The following WWOX variants were observed in gnomAD, a reference collection of about 807,000 sequenced individuals.
WWOX encodes the protein WW domain containing oxidoreductase, also known as WW domain-containing oxidoreductase.
WWOX carries 69 observed loss-of-function variants against 46.2 expected under a neutral mutation model. The observed-to-expected ratio is 1.49, with a 90% CI of 1.23 to 1.82. WWOX has a LOEUF of 1.82. WWOX is among the 40% of genes most tolerant of loss of function. The pLI, the probability that WWOX is intolerant of heterozygous loss-of-function variation, is 0.00. For missense variants in WWOX, 919 were observed against 542.6 expected, an observed-to-expected ratio of 1.69 and a Z score of -6.89; for synonymous variants, 359 against 202.6, an observed-to-expected ratio of 1.77 and a Z score of -6.56.
chr16:78,324,160 A>T (rs1305537205), intron 5 of WWOX, among the ~76,000 whole-genome samples: 1 of 152,068 alleles, frequency 6.6e-6, no homozygotes. Context: ...TTTGTCATTC[A>T]GGTCATGCTG....
At chr16:78,355,378 G>A (rs1382088515) in intron 5 of WWOX, among the ~76,000 whole-genome samples, 2 of 152,162 alleles carry the variant, frequency 1.3e-5, no homozygotes, top group African/African-American at 2.4e-5. Flanking sequence ...TGAGGCGGGC[G>A]AATCACGAGG....
chr16:78,184,172 T>C (rs2035621930), intron 5 of WWOX, among the ~76,000 whole-genome samples: 1 of 152,046 alleles, frequency 6.6e-6, no homozygotes, highest in African/African-American at 2.4e-5. Context: ...TGCTTCTCTG[T>C]AGGAGGATTT....
At chr16:78,248,395 G>C (rs28625979) in intron 5 of WWOX, among the ~76,000 whole-genome samples, 2 of 152,144 alleles carry the variant, frequency 1.3e-5, no homozygotes, top group African/African-American at 4.8e-5. Flanking sequence ...CTGTCCGCAT[G>C]ATCTAATCAC....
chr16:79,081,980 G>A (rs2048768667), intron 8 of WWOX, among the ~76,000 whole-genome samples: 1 of 152,142 alleles, frequency 6.6e-6, no homozygotes, highest in African/African-American at 2.4e-5. Flanking sequence ...AGATTCATAC[G>A]CCAGAACCAG....
At chr16:78,822,930 A>AG (rs2051543782) in intron 8 of WWOX, among the ~76,000 whole-genome samples, 1 of 152,084 alleles carries the variant, frequency 6.6e-6, no homozygotes, top group Admixed American at 6.5e-5. Context: ...AAAAACTAAA[A>AG]GAAAAAAAAA....
intron 5 of WWOX, among the ~76,000 whole-genome samples, chr16:78,269,914 G>GTTTTTTTTTTTTTT (rs71137883): frequency 2.7e-4 from 34 of 125,618 alleles, no homozygotes; most frequent in African/African-American, 5.0e-4. Flanking sequence ...ACATAAGGAA[G>GTTTTTTTTTTTTTT]TTTTTTTTTT....
intron 8 of WWOX, among the ~76,000 whole-genome samples, chr16:78,711,195 A>G (rs2048437845): frequency 6.6e-6 from 1 of 152,200 alleles, no homozygotes; most frequent in African/African-American, 2.4e-5. Context: ...AGGGAAGCAG[A>G]TATATCTGGA....
chr16:78,887,215 C>G (rs1407696320), intron 8 of WWOX, among the ~76,000 whole-genome samples: 1 of 151,426 alleles, frequency 6.6e-6, no homozygotes, highest in African/African-American at 2.4e-5. Context: ...AAAAAAGAGT[C>G]TCAATGTCAA....
chr16:78,574,041 G>T (rs1304909495), intron 8 of WWOX, among the ~76,000 whole-genome samples: 1 of 152,164 alleles, frequency 6.6e-6, no homozygotes, highest in East Asian at 1.9e-4. Flanking sequence ...ATTACTAGCA[G>T]ACTTTATTTC....
chr16:78,796,766 T>A (rs951414649), intron 8 of WWOX, among the ~76,000 whole-genome samples: 1 of 152,148 alleles, frequency 6.6e-6, no homozygotes, highest in Non-Finnish European at 1.5e-5. Context: ...CAGCCACTCA[T>A]TGCTGTGTGA....
intron 2 of WWOX, 90 bp from the exon 3 acceptor site, chr16:78,109,688 G>C: frequency 7.5e-7 from 1 of 1,330,122 alleles, no homozygotes; most frequent in Non-Finnish European, 1.1e-6. Context: ...AGGCTTGGGG[G>C]CGGGGCTGGG....
chr16:79,030,391 A>G (rs1431631666), intron 8 of WWOX, among the ~76,000 whole-genome samples: 2 of 152,154 alleles, frequency 1.3e-5, no homozygotes, highest in Admixed American at 6.5e-5. Flanking sequence ...ACTACCCAGC[A>G]CTTCAGATAC....
intron 5 of WWOX, among the ~76,000 whole-genome samples, chr16:78,219,947 A>T (rs1050432981): frequency 6.6e-6 from 1 of 152,214 alleles, no homozygotes; most frequent in Non-Finnish European, 1.5e-5. Context: ...TTTGAACTAT[A>T]TATATCACAA....
intron 8 of WWOX, among the ~76,000 whole-genome samples, chr16:78,922,842 T>C (rs1205767290): frequency 6.6e-6 from 1 of 152,216 alleles, no homozygotes; most frequent in African/African-American, 2.4e-5. Context: ...GCACCATTGC[T>C]AAGTAATGTG....
chr16:78,352,860 G>C (rs1248624187), intron 5 of WWOX, among the ~76,000 whole-genome samples: 1 of 152,148 alleles, frequency 6.6e-6, no homozygotes, highest in Non-Finnish European at 1.5e-5. Context: ...ATTGGCGGTT[G>C]ATTGAATATT....
At chr16:78,357,926 G>C (rs897258097) in intron 5 of WWOX, among the ~76,000 whole-genome samples, 1 of 152,186 alleles carries the variant, frequency 6.6e-6, no homozygotes, top group African/African-American at 2.4e-5. Context: ...AGCGGTGGAC[G>C]CATTGAGTAG....
chr16:78,452,317 A>G (rs1008335801), intron 8 of WWOX, among the ~76,000 whole-genome samples: 1 of 152,130 alleles, frequency 6.6e-6, no homozygotes, highest in African/African-American at 2.4e-5. Context: ...TTTTACTGTC[A>G]TATGATTCAC....
intron 8 of WWOX, among the ~76,000 whole-genome samples, chr16:79,102,584 G>A (rs2049223716): frequency 6.6e-6 from 1 of 152,122 alleles, no homozygotes; most frequent in African/African-American, 2.4e-5. Flanking sequence ...ATAGCAAACG[G>A]GTAGAAGAGT....
intron 8 of WWOX, among the ~76,000 whole-genome samples, chr16:79,127,107 C>T (rs1163093309): frequency 6.6e-6 from 1 of 150,544 alleles, no homozygotes; most frequent in Non-Finnish European, 1.5e-5. Flanking sequence ...TTATATGGTT[C>T]AAAAATCAAA....
Sources: allele counts gnomAD v4.1 joint callset (sites outside exome capture counted in the v4.1 genomes callset), GRCh38; gene constraint gnomAD v4.1.1; transcripts MANE v1.5; gene names NCBI Gene and HGNC (gene_info 2026-07-23, HGNC 2026-07-21).